Variants in CPN1 observed in about 807,000 individuals in gnomAD.
The protein encoded by CPN1 is carboxypeptidase N subunit 1.
Under a neutral mutation model 46.4 loss-of-function variants are expected in CPN1, and 37 were observed. The observed-to-expected ratio is 0.80, with a 90% CI of 0.61 to 1.05. The LOEUF is 1.05. Ranked by LOEUF, CPN1 falls within the 50% of genes least tolerant of loss-of-function variation. CPN1 has a pLI of 0.00. For missense variants in CPN1, 563 were observed against 602.6 expected, an observed-to-expected ratio of 0.93 and a Z score of 0.69; for synonymous variants, 224 against 235.4, an observed-to-expected ratio of 0.95 and a Z score of 0.44.
At chr10:100,075,585 T>C (rs551676916) in intron 2 of CPN1, among the ~76,000 whole-genome samples, 2 of 152,204 alleles carry the variant, frequency 1.3e-5, no homozygotes, top group Non-Finnish European at 2.9e-5. Context: ...TCCCTCCACA[T>C]CTGTTGAGTA....
intron 1 of CPN1, 53 bp downstream of exon 1, chr10:100,081,350 T>A: frequency 6.6e-7 from 1 of 1,515,072 alleles, no homozygotes. Context: ...ATTACTGGAT[T>A]TGCAAGGGAA....
chr10:100,071,220 CTG>C (rs1205847160), intron 2 of CPN1, among the ~76,000 whole-genome samples: 2 of 152,160 alleles, frequency 1.3e-5, no homozygotes, highest in African/African-American at 2.4e-5. Flanking sequence ...TATTAGGAAA[CTG>C]TGTTAGTTTC....
chr10:100,073,413 A>C (rs1488629018), intron 2 of CPN1, among the ~76,000 whole-genome samples: 3 of 152,142 alleles, frequency 2.0e-5, no homozygotes, highest in Non-Finnish European at 4.4e-5. Context: ...CCCCTAACAG[A>C]AGGTTTCATA....
intron 3 of CPN1, among the ~76,000 whole-genome samples, chr10:100,068,295 C>T (rs2041466167): frequency 1.4e-5 from 2 of 146,860 alleles, no homozygotes; most frequent in Admixed American, 1.4e-4. Context: ...CTCACTGCAA[C>T]CTCTGCCTCC....
chr10:100,070,309 C>T (rs944413197), intron 2 of CPN1, among the ~76,000 whole-genome samples: 2 of 151,966 alleles, frequency 1.3e-5, no homozygotes, highest in African/African-American at 2.4e-5. Flanking sequence ...TGGTGAAACA[C>T]CATCTCTACT....
intron 3 of CPN1, among the ~76,000 whole-genome samples, chr10:100,067,887 C>G (rs2041463223): frequency 6.6e-6 from 1 of 151,998 alleles, no homozygotes; most frequent in Non-Finnish European, 1.5e-5. Flanking sequence ...GGTGTGGTGG[C>G]TCACACCTGT....
In CPN1 at chr10:100,042,565, G is replaced by C. The variant is rs753514426; in HGVS notation, c.1239C>G (p.Phe413Leu). The C allele has an allele frequency of 3.9e-5, 63 of 1,613,788 alleles. No individual in the cohort carries two copies. The Admixed American group carries it at 1.0e-3, about 26-fold the overall frequency. Reference sequence around the variant, plus strand: ...CTTGAGGGATGCTTCTTTTGAGGTGGAAGTTAACCTGGAAGAAAAAAAGCA... The same window carrying C: ...CTTGAGGGATGCTTCTTTTGAGGTGCAAGTTAACCTGGAAGAAAAAAAGCA... ...VGPAEPTLVN[F>L]HLKRSIPQVS... Residue 413 changes from phenylalanine (F) to leucine (L), a missense_variant, in exon 9 of 9, where the codon TTC (phenylalanine) becomes TTG (leucine). Transcript: ENST00000370418.
At chr10:100,068,154 CAAA>C (rs753569536) in intron 3 of CPN1, among the ~76,000 whole-genome samples, 2 of 55,180 alleles carry the variant, frequency 3.6e-5, no homozygotes, top group Non-Finnish European at 4.0e-5. Context: ...GACTCTGTCT[CAAA>C]AAAAAAAAAA....
At chr10:100,052,508 T>A (rs977826190) in intron 7 of CPN1, among the ~76,000 whole-genome samples, 2 of 152,146 alleles carry the variant, frequency 1.3e-5, no homozygotes, top group East Asian at 1.9e-4. Context: ...TGAGCCACTG[T>A]GCCCAGCAAT....
In CPN1 at chr10:100,042,541, T is replaced by C; in HGVS notation, c.1263A>G (p.Gln421=). 1.2e-6 allele frequency: 2 copies of C among 1,613,944 alleles called. No individual in the cohort carries two copies. The highest frequency in any genetic ancestry group is 1.7e-6 in the Non-Finnish European group (2 of 1,179,994). The change falls in exon 9 of 9, where the codon CAA becomes CAG. Residue 421 remains glutamine, a synonymous_variant. Transcript: ENST00000370418. The stretch of plus-strand genomic sequence containing the variant: ...TGGGAGCTCTCCTCACAGGGCTTAC[T>C]TGAGGGATGCTTCTTTTGAGGTGGA... ...VNFHLKRSIP[Q]VSPVRRAPSR... is the part of the protein sequence containing the mutation.
In CPN1 at chr10:100,075,798, T is replaced by G. The variant is rs1325781081; in HGVS notation, c.420+113A>C. 2.6e-6 allele frequency: 3 copies of G among 1,166,512 alleles called. No individual in the cohort carries two copies. In the African/African-American group the frequency reaches 4.6e-5, roughly 18 times the overall value. 72.3% of individuals were successfully genotyped at this position (1,166,512 alleles called of 1,614,324 possible). ...TTTTTCTCTTGGCCATTTCATCTTT[T>G]ACTTTTAACATTTGTGATATTTACA... On this transcript the variant is annotated intron_variant, in intron 2 of 8. Transcript: ENST00000370418.
At chr10:100,074,906 G>A (rs191454660) in intron 2 of CPN1, among the ~76,000 whole-genome samples, 2 of 152,254 alleles carry the variant, frequency 1.3e-5, no homozygotes, top group East Asian at 1.9e-4. Context: ...TTAAAGTTAC[G>A]CATATCGATC....
Position 100,076,089 on chromosome 10 carries a change from T to C in CPN1, c.242A>G (p.Tyr81Cys). 1 of 1,614,210 alleles carries C rather than the reference T, an allele frequency of 6.2e-7. No individual in the cohort carries two copies. ...TTCGTTGCCGTGCATGTTCCCCACA[T>C]ACTTGACCTCTGGTTCCACTGCAAG... ...IHEPLEPEVK[Y>C]VGNMHGNEAL... The change falls in exon 2 of 9, where the codon TAT becomes TGT. Residue 81 changes from tyrosine to cysteine, a missense_variant. Coordinates refer to ENST00000370418, the MANE Select transcript of CPN1 (RefSeq NM_001308.3).
In CPN1 at chr10:100,063,621, G is replaced by A. The variant is rs1392837762; in HGVS notation, c.864C>T (p.Leu288=). ...TCCCAGGACTCCCCTTACCCTTGCT[G>A]AGAGAATACCAGGAAGCCCCATTGG... ...GITNGASWYS[L]SKGMQDFNYL... The change falls in exon 5 of 9, where the codon CTC becomes CTT. Residue 288 remains leucine (L), a synonymous_variant. Transcript: ENST00000370418. 12 of 1,612,086 alleles carry A rather than the reference G, an allele frequency of 7.4e-6. No individual in the cohort carries two copies. Among genetic ancestry groups the A allele is most frequent in the African/African-American group, 1.3e-5 (1 of 74,852 alleles).
chr10:100,070,373 C>T (rs1173472465), intron 2 of CPN1, among the ~76,000 whole-genome samples: 1 of 151,960 alleles, frequency 6.6e-6, no homozygotes, highest in African/African-American at 2.4e-5. Context: ...GTCCCAGCTA[C>T]TTGGGAGGCT....
chr10:100,061,572 G>C (rs1227535841), intron 5 of CPN1, among the ~76,000 whole-genome samples: 1 of 152,152 alleles, frequency 6.6e-6, no homozygotes. Context: ...TGCTAATCAA[G>C]AGACCACACT....
chr10:100,054,973 C>T (rs1017219772), intron 6 of CPN1, among the ~76,000 whole-genome samples: 1 of 151,386 alleles, frequency 6.6e-6, no homozygotes, highest in East Asian at 1.9e-4. Flanking sequence ...TGCAGTGGCT[C>T]ATGCCTGTAA....
Position 100,054,465 on chromosome 10 carries a change from A to G in CPN1, c.1012-19T>C, listed in dbSNP as rs752088471. ...GGTGAACCTGCAGGAACAAGTATAT[A>G]GTTATGATCATAAAACATTTGTACC... On this transcript the variant is annotated intron_variant, in intron 6 of 8. Transcript: ENST00000370418. 2 of 1,578,682 alleles carry G rather than the reference A, an allele frequency of 1.3e-6. No homozygotes were observed. The highest frequency in any genetic ancestry group is 1.7e-6 in the Non-Finnish European group (2 of 1,147,832).
intron 2 of CPN1, among the ~76,000 whole-genome samples, chr10:100,073,065 T>A (rs2133445705): frequency 6.6e-6 from 1 of 152,326 alleles, no homozygotes; most frequent in African/African-American, 2.4e-5. Flanking sequence ...TGCGGCAGAT[T>A]ACATTTTTTT....
Sources: allele counts gnomAD v4.1 joint callset (sites outside exome capture counted in the v4.1 genomes callset), GRCh38; gene constraint gnomAD v4.1.1; transcripts MANE v1.5; gene names NCBI Gene and HGNC (gene_info 2026-07-23, HGNC 2026-07-21).